ART3: variants seen among roughly 807,000 people sequenced by gnomAD.
ART3 encodes ADP-ribosyltransferase 3 (inactive).
ART3 carries 49 observed loss-of-function variants against 48.5 expected under a neutral mutation model. The observed-to-expected ratio is 1.01, with a 90% CI of 0.80 to 1.28. ART3 has a LOEUF of 1.28. ART3 is among the 50% of genes most tolerant of loss of function. The probability of loss-of-function intolerance (pLI) is 0.00; values close to 1 mark genes in which losing one functional copy is unlikely to be tolerated. For missense variants in ART3, 438 were observed against 454.3 expected, an observed-to-expected ratio of 0.96 and a Z score of 0.33; for synonymous variants, 145 against 157.2, an observed-to-expected ratio of 0.92 and a Z score of 0.58.
At chr4:76,021,970 A>G (rs749937866) in intron 1 of ART3, 2 of 1,604,230 alleles carry the variant, frequency 1.2e-6, no homozygotes, top group Admixed American at 1.7e-5. Context: ...GAAAGGGGAT[A>G]TAAAAGTGTG....
rs769998982 is a variant in ART3 at position 76,082,146 on chromosome 4, A to G, written c.392A>G (p.Tyr131Cys). 1 of 1,614,210 alleles carries G rather than the reference A, an allele frequency of 6.2e-7. No individual in the cohort carries two copies. The highest frequency in any genetic ancestry group is 8.5e-7 in the Non-Finnish European group (1 of 1,180,036). The change falls in exon 3 of 12, where the codon TAT becomes TGT. Residue 131 changes from tyrosine to cysteine, a missense_variant. Physicochemically the swap from Tyr to Cys is radical, Grantham distance 194. Around this residue, in one of 3 missense-constraint regions of ART3, gnomAD observed 206 missense variants for 205.3 expected, o/e 1.00. Coordinates refer to ENST00000355810, the MANE Select transcript of ART3 (RefSeq NM_001130016.3). ...GGCCAATCTCGAGAAGATTATATCT[A>G]TGGCTTCCAGTTCAAAGCTTTCCAC... ...MAGQSREDYI[Y>C]GFQFKAFHFY...
At chr4:76,032,694 C>A (rs546505254) in intron 1 of ART3, among the ~76,000 whole-genome samples, 1 of 151,224 alleles carries the variant, frequency 6.6e-6, no homozygotes, top group South Asian at 2.1e-4. Context: ...AAGCGATTCT[C>A]CTGCCTCAGC....
intron 1 of ART3, among the ~76,000 whole-genome samples, chr4:76,064,522 G>T (rs1719525665): frequency 6.6e-6 from 1 of 152,096 alleles, no homozygotes; most frequent in Non-Finnish European, 1.5e-5. Flanking sequence ...TATATAGCTG[G>T]TTGCAATAAA....
At chr4:76,052,740 A>T (rs1161812484) in intron 1 of ART3, among the ~76,000 whole-genome samples, 1 of 142,402 alleles carries the variant, frequency 7.0e-6, no homozygotes, top group South Asian at 2.2e-4. Context: ...TTTAAGACAG[A>T]GTCTTGCTCT....
At chr4:76,076,975 A>G (rs1164272327) in intron 2 of ART3, among the ~76,000 whole-genome samples, 3 of 152,110 alleles carry the variant, frequency 2.0e-5, no homozygotes, top group Non-Finnish European at 4.4e-5. Flanking sequence ...TCCATTTTCT[A>G]TAGAATCATT....
intron 1 of ART3, chr4:76,023,421 G>T: frequency 6.2e-7 from 1 of 1,613,888 alleles, no homozygotes. Context: ...CAGAATGGCA[G>T]TTTGATTCAT....
chr4:76,021,938 A>C (rs1015202642), intron 1 of ART3: 1 of 1,611,622 alleles, frequency 6.2e-7, no homozygotes, highest in Non-Finnish European at 8.5e-7. Flanking sequence ...TTTTAAGGAG[A>C]TCTTTTAGAC....
chr4:76,111,274 A>G (rs980332748), intron 11 of ART3, among the ~76,000 whole-genome samples: 2 of 152,164 alleles, frequency 1.3e-5, no homozygotes. Context: ...ACCTTGAATA[A>G]CACCATAGGA....
chr4:76,024,998 G>A (rs140789930), intron 1 of ART3, among the ~76,000 whole-genome samples: 7 of 152,292 alleles, frequency 4.6e-5, no homozygotes, highest in African/African-American at 1.2e-4. Flanking sequence ...ATTTGCTAGA[G>A]AGCTGAATCC....
At chr4:76,088,911 T>C (rs1031458482) in intron 3 of ART3, among the ~76,000 whole-genome samples, 9 of 152,164 alleles carry the variant, frequency 5.9e-5, no homozygotes, top group African/African-American at 2.2e-4. Flanking sequence ...TGTTATATCA[T>C]AGTACATTCT....
chr4:76,025,153 G>C (rs1231460702), intron 1 of ART3, among the ~76,000 whole-genome samples: 3 of 151,896 alleles, frequency 2.0e-5, no homozygotes, highest in African/African-American at 7.3e-5. Flanking sequence ...ACCTAGCAAA[G>C]AGGCGTTCGT....
At chr4:76,026,416 G>A (rs1733390451) in intron 1 of ART3, among the ~76,000 whole-genome samples, 13 of 152,186 alleles carry the variant, frequency 8.5e-5, no homozygotes, top group Admixed American at 8.5e-4. Context: ...ATGGTTGAAT[G>A]AATCTTTACA....
intron 1 of ART3, among the ~76,000 whole-genome samples, chr4:76,020,589 A>G (rs1327858854): frequency 1.3e-5 from 2 of 152,232 alleles, no homozygotes; most frequent in Admixed American, 6.5e-5. Flanking sequence ...AAACTAGGAC[A>G]TAGAATAGAG....
In ART3 at chr4:76,068,653, G is replaced by A. The variant is rs1036019739; in HGVS notation, c.-9-7228G>A. On this transcript the variant is annotated intron_variant, in intron 1 of 9. Coordinates refer to the ART3 transcript ENST00000341029. The stretch of plus-strand genomic sequence containing the variant: ...GGGTGGAGGGTGGGAAGGGGAAGAG[G>A]ATAGAGGATAAAAAAAAAAATAACT... Among the ~76,000 whole-genome samples, 4 of 134,170 alleles carry A rather than the reference G, an allele frequency of 3.0e-5. No homozygotes were observed. In the Admixed American group the frequency reaches 3.0e-4, roughly 10 times the overall value. 88.0% of individuals were successfully genotyped at this position (134,170 alleles called of 152,430 possible).
intron 3 of ART3, among the ~76,000 whole-genome samples, chr4:76,094,740 A>G (rs772287062): frequency 5.3e-5 from 8 of 152,154 alleles, no homozygotes; most frequent in African/African-American, 9.7e-5. Context: ...GTTTTCTAAC[A>G]CATATAATCT....
chr4:76,108,530 T>C (rs373346258), intron 11 of ART3, among the ~76,000 whole-genome samples: 5 of 151,876 alleles, frequency 3.3e-5, no homozygotes, highest in African/African-American at 1.2e-4. Context: ...TCTATCCCTC[T>C]ACCTCCACTC....
At chr4:76,017,544 G>C (rs556711982) in intron 1 of ART3, among the ~76,000 whole-genome samples, 34 of 152,034 alleles carry the variant, frequency 2.2e-4, no homozygotes, top group African/African-American at 8.2e-4. Context: ...GAGTTGGGAA[G>C]GGTGGTGCAA....
chr4:76,102,517 G>A (rs573549396), intron 8 of ART3, among the ~76,000 whole-genome samples: 2 of 151,842 alleles, frequency 1.3e-5, no homozygotes, highest in Non-Finnish European at 2.9e-5. Context: ...CAACCATTGG[G>A]TATTGTTAAA....
upstream of ART3, among the ~76,000 whole-genome samples, chr4:76,072,922 C>T (rs912455172): frequency 1.3e-5 from 2 of 152,146 alleles, no homozygotes; most frequent in Admixed American, 6.5e-5. Context: ...TGCTCAAATA[C>T]CACCTTTCAG....
Sources: allele counts gnomAD v4.1 joint callset (sites outside exome capture counted in the v4.1 genomes callset), GRCh38; gene constraint gnomAD v4.1.1; regional missense constraint gnomAD v4.1.1; transcripts MANE v1.5; gene names NCBI Gene and HGNC (gene_info 2026-07-23, HGNC 2026-07-21).